CDH13: variants seen among roughly 807,000 people sequenced by gnomAD.
CDH13 encodes cadherin 13, also known as cadherin-13.
A neutral mutation model predicts 63.8 loss-of-function variants in CDH13; 24 were observed. The ratio of observed to expected loss-of-function variants is 0.38; its 90% CI spans 0.27 to 0.53. The LOEUF (loss-of-function observed/expected upper bound fraction) is 0.53, where lower values mean the gene tolerates loss of function less well. Among genes scored for constraint, CDH13 ranks in the 20% least tolerant of loss-of-function variants. CDH13 has a pLI of 0.85. For missense variants in CDH13, 1,049 were observed against 903.1 expected (o/e 1.16, Z -2.07); for synonymous variants, 503 against 355.3 (o/e 1.42, Z -4.67).
At chr16:82,865,720 T>C (rs2040109681) in intron 2 of CDH13, among the ~76,000 whole-genome samples, 3 of 152,340 alleles carry the variant, frequency 2.0e-5, no homozygotes, top group Admixed American at 1.3e-4. Flanking sequence ...ACCAGCCCTG[T>C]TACACCATTG....
intron 10 of CDH13, among the ~76,000 whole-genome samples, chr16:83,747,304 T>A (rs967693679): frequency 6.6e-6 from 1 of 151,956 alleles, no homozygotes; most frequent in African/African-American, 2.4e-5. Flanking sequence ...TAGGGGCGGG[T>A]CTTTCCCATG....
Position 83,499,330 on chromosome 16 carries a change from A to G in CDH13, c.960+12675A>G, listed in dbSNP as rs1424738088. Among the ~76,000 whole-genome samples, 3 of 152,170 alleles carry G rather than the reference A, an allele frequency of 2.0e-5. 1 individual carries two copies. Among genetic ancestry groups the G allele is most frequent in the Admixed American group, 6.5e-5 (1 of 15,282 alleles). The stretch of plus-strand genomic sequence containing the variant: ...GCATCTTGGTCCAAGGTACAAAAGG[A>G]TTTGTGTGATGTTTTAGGAGTGGTC... On this transcript the variant is annotated intron_variant, in intron 7 of 13. Coordinates refer to ENST00000567109, the MANE Select transcript of CDH13 (RefSeq NM_001257.5).
At chr16:83,652,480 C>T (rs754978498) in intron 8 of CDH13, among the ~76,000 whole-genome samples, 1 of 152,048 alleles carries the variant, frequency 6.6e-6, no homozygotes, top group African/African-American at 2.4e-5. Context: ...GTAGTTTCTC[C>T]ATTAACTTCA....
chr16:83,549,643 A>G (rs983320110), intron 7 of CDH13, among the ~76,000 whole-genome samples: 2 of 65,056 alleles, frequency 3.1e-5, no homozygotes, highest in African/African-American at 6.5e-5. Flanking sequence ...CTCTACGCTC[A>G]AAAAAAAAAA....
intron 1 of CDH13, among the ~76,000 whole-genome samples, chr16:82,715,699 A>AG (rs1353779536): frequency 6.6e-6 from 1 of 152,156 alleles, no homozygotes. Context: ...ACACTGTGGA[A>AG]GGGGAGACAC....
intron 1 of CDH13, among the ~76,000 whole-genome samples, chr16:82,854,559 A>T (rs2039615433): frequency 6.6e-6 from 1 of 152,342 alleles, no homozygotes; most frequent in South Asian, 2.1e-4. Flanking sequence ...GTGATGTGTT[A>T]CATGAAACTC....
intron 3 of CDH13, among the ~76,000 whole-genome samples, chr16:83,066,430 C>T (rs2032015888): frequency 6.6e-6 from 1 of 152,232 alleles, no homozygotes; most frequent in African/African-American, 2.4e-5. Flanking sequence ...AGTTGGTTGC[C>T]CAACCAAGCT....
At chr16:83,512,007 T>G (rs2074577573) in intron 7 of CDH13, among the ~76,000 whole-genome samples, 1 of 152,134 alleles carries the variant, frequency 6.6e-6, no homozygotes, top group African/African-American at 2.4e-5. Context: ...CTAATAGCAT[T>G]AGAAACTAGC....
At chr16:83,509,475 T>C (rs2074503981) in intron 7 of CDH13, among the ~76,000 whole-genome samples, 1 of 152,218 alleles carries the variant, frequency 6.6e-6, no homozygotes, top group Non-Finnish European at 1.5e-5. Flanking sequence ...CAAGCATAGA[T>C]ACCACATAAA....
intron 8 of CDH13, among the ~76,000 whole-genome samples, chr16:83,664,746 C>A (rs1913776204): frequency 6.6e-6 from 1 of 152,068 alleles, no homozygotes; most frequent in Admixed American, 6.6e-5. Flanking sequence ...ATGACCGTTA[C>A]CTGGAAATTA....
At chr16:83,041,076 CA>C (rs1917292084) in intron 3 of CDH13, among the ~76,000 whole-genome samples, 1 of 152,186 alleles carries the variant, frequency 6.6e-6, no homozygotes, top group Admixed American at 6.5e-5. Flanking sequence ...TAACAAACTC[CA>C]AAAGACCTGG....
chr16:82,675,569 C>G lies in CDH13; in HGVS notation c.45+48432C>G, dbSNP rs560557531. ...GCATGAAGTCACGTTTGCCTCATTACAATTCCTTTGGTTAAAGATGCTTTT... is the reference window on the plus strand; with the variant it reads ...GCATGAAGTCACGTTTGCCTCATTAGAATTCCTTTGGTTAAAGATGCTTTT... On this transcript the variant is annotated intron_variant, in intron 1 of 13. Coordinates refer to ENST00000567109, the MANE Select transcript of CDH13 (RefSeq NM_001257.5). Among the ~76,000 whole-genome samples the G allele has an allele frequency of 1.7e-3, 262 of 152,332 alleles. 1 individual carries two copies. Among genetic ancestry groups the G allele is most frequent in the Non-Finnish European group, 2.5e-3 (169 of 68,032 alleles).
chr16:83,721,903 G>T (rs1157394966), intron 10 of CDH13: 1 of 152,218 alleles, frequency 6.6e-6, no homozygotes, highest in Non-Finnish European at 1.5e-5. Flanking sequence ...GGACCGTGGG[G>T]AAACCCATTT....
intron 2 of CDH13, among the ~76,000 whole-genome samples, chr16:82,937,073 G>A (rs1180647855): frequency 6.6e-6 from 1 of 152,156 alleles, no homozygotes; most frequent in African/African-American, 2.4e-5. Context: ...GGCAACTGCA[G>A]AGCTCTCCAT....
intron 1 of CDH13, among the ~76,000 whole-genome samples, chr16:82,849,816 C>T (rs955880933): frequency 1.3e-5 from 2 of 152,184 alleles, no homozygotes; most frequent in Admixed American, 1.3e-4. Context: ...GCTGAATCTA[C>T]TCTGCGTGTG....
chr16:83,273,755 A>G (rs557087782), intron 5 of CDH13, among the ~76,000 whole-genome samples: 1 of 152,210 alleles, frequency 6.6e-6, no homozygotes, highest in East Asian at 1.9e-4. Context: ...GGGCATTTCA[A>G]TACTACATAG....
intron 5 of CDH13, among the ~76,000 whole-genome samples, chr16:83,261,261 C>G (rs1228478927): frequency 1.3e-5 from 2 of 152,156 alleles, no homozygotes; most frequent in Non-Finnish European, 2.9e-5. Flanking sequence ...AAGGTAAGTG[C>G]TTTTGCTAAA....
At chr16:83,312,800 C>G (rs144922542) in intron 5 of CDH13, among the ~76,000 whole-genome samples, 64 of 152,298 alleles carry the variant, frequency 4.2e-4, no homozygotes, top group African/African-American at 1.5e-3. Flanking sequence ...TTGCAAATCT[C>G]CATGCAAAAG....
At chr16:83,483,128 T>A (rs2073810918) in intron 6 of CDH13, among the ~76,000 whole-genome samples, 2 of 152,178 alleles carry the variant, frequency 1.3e-5, no homozygotes, top group Admixed American at 1.3e-4. Context: ...GTCACGCAGC[T>A]TGAAAAGACT....
Sources: gnomAD v4.1 joint callset for allele counts (sites outside exome capture counted in the v4.1 genomes callset) on GRCh38, gnomAD v4.1.1 for gene constraint, MANE v1.5 for transcripts, NCBI Gene and HGNC (gene_info 2026-07-23, HGNC 2026-07-21) for gene names.